Variants in SNX25 observed in about 807,000 individuals in gnomAD.
SNX25 encodes sorting nexin-25.
In SNX25, 62 loss-of-function variants were observed where a neutral mutation model predicts 113.7. That is an observed-to-expected ratio of 0.55 (90% CI 0.44 to 0.67). The LOEUF (loss-of-function observed/expected upper bound fraction) is 0.67. SNX25 is among the 30% of genes least tolerant of loss of function. The pLI, the probability that SNX25 is intolerant of heterozygous loss-of-function variation, is 0.00. For synonymous variants in SNX25, 421 were observed against 436.2 expected, an observed-to-expected ratio of 0.97 and a Z score of 0.43; for missense variants, 1,014 against 1,161.0, an observed-to-expected ratio of 0.87 and a Z score of 1.84.
chr4:185,241,319 A>G (rs902595485), intron 1 of SNX25, among the ~76,000 whole-genome samples: 1 of 152,090 alleles, frequency 6.6e-6, no homozygotes, highest in African/African-American at 2.4e-5. Context: ...CCACCAAAAA[A>G]ATATGAAAAC....
intron 7 of SNX25, among the ~76,000 whole-genome samples, chr4:185,311,548 C>T (rs1349343957): frequency 6.6e-6 from 1 of 152,202 alleles, no homozygotes; most frequent in African/African-American, 2.4e-5. Flanking sequence ...CACTCAGGAG[C>T]TTAGCTGTGC....
At chr4:185,368,231 C>A (rs2126777027), downstream of SNX25, among the ~76,000 whole-genome samples, 1 of 152,300 alleles carries the variant, frequency 6.6e-6, no homozygotes, top group East Asian at 1.9e-4. Context: ...CCATGTACTC[C>A]AGAATCCTCG....
intron 1 of SNX25, among the ~76,000 whole-genome samples, chr4:185,224,548 CATATATATAAAT>C (rs1740642595): frequency 3.0e-5 from 2 of 66,958 alleles, no homozygotes; most frequent in African/African-American, 1.1e-4. Context: ...AATATATATA[CATATATATAAAT>C]ATATATAAGT....
intron 6 of SNX25, among the ~76,000 whole-genome samples, chr4:185,306,022 A>G (rs1754419337): frequency 6.6e-6 from 1 of 152,190 alleles, no homozygotes; most frequent in African/African-American, 2.4e-5. Flanking sequence ...GTTTCTAACA[A>G]TGCACAGTGT....
At chr4:185,225,540 C>T (rs1259601435) in intron 1 of SNX25, among the ~76,000 whole-genome samples, 1 of 152,200 alleles carries the variant, frequency 6.6e-6, no homozygotes, top group Non-Finnish European at 1.5e-5. Context: ...TCAGGGAAAT[C>T]ATTCCTGTGG....
downstream of SNX25, chr4:185,373,085 A>G: frequency 6.2e-7 from 1 of 1,600,808 alleles, no homozygotes; most frequent in Non-Finnish European, 8.6e-7. Flanking sequence ...AATGCCTAAG[A>G]AAAGCACAGT....
intron 1 of SNX25, among the ~76,000 whole-genome samples, chr4:185,240,747 C>G (rs1007354297): frequency 6.6e-6 from 1 of 151,788 alleles, no homozygotes; most frequent in African/African-American, 2.4e-5. Context: ...CGGAGACGCT[C>G]CTCACTTCCC....
intron 3 of SNX25, among the ~76,000 whole-genome samples, chr4:185,260,758 A>G (rs934368179): frequency 6.6e-6 from 1 of 152,216 alleles, no homozygotes; most frequent in Non-Finnish European, 1.5e-5. Context: ...CAGATGCCCT[A>G]CAAGGATCTT....
chr4:185,352,204 C>T (rs1169142050), intron 14 of SNX25, among the ~76,000 whole-genome samples: 1 of 152,192 alleles, frequency 6.6e-6, no homozygotes, highest in Non-Finnish European at 1.5e-5. Context: ...GACTTCTCCC[C>T]CAGAGTAGGC....
intron 10 of SNX25, among the ~76,000 whole-genome samples, chr4:185,337,067 T>G (rs1014707646): frequency 1.3e-5 from 2 of 152,240 alleles, no homozygotes; most frequent in African/African-American, 4.8e-5. Flanking sequence ...TATTAGTCCT[T>G]TGTTGGATGT....
At chr4:185,350,226 A>T (rs1442604352) in intron 13 of SNX25, among the ~76,000 whole-genome samples, 1 of 152,200 alleles carries the variant, frequency 6.6e-6, no homozygotes, top group African/African-American at 2.4e-5. Flanking sequence ...TCGTCAGGTC[A>T]TTAGCCATCT....
chr4:185,235,695 C>G (rs1465701851), intron 1 of SNX25, among the ~76,000 whole-genome samples: 4 of 152,156 alleles, frequency 2.6e-5, no homozygotes, highest in African/African-American at 9.7e-5. Flanking sequence ...AGTTCAAGAC[C>G]AGCCTGGGCA....
intron 16 of SNX25, among the ~76,000 whole-genome samples, chr4:185,358,631 C>T (rs558768800): frequency 6.6e-6 from 1 of 152,296 alleles, no homozygotes; most frequent in South Asian, 2.1e-4. Context: ...TCTGAAGTCA[C>T]CAGACCCGTT....
Position 185,210,324 on chromosome 4 carries a change from C to G in SNX25, c.429+69C>G. On this transcript the variant is annotated intron_variant, in intron 1 of 18. Transcript: ENST00000652585. The surrounding 1 kb of genome is among the most constrained non-coding windows in gnomAD (Gnocchi z 4.4). ...CGCTTCCGGTGCCAGCTCCCGCGCC[C>G]CGAGCTCCGGGGGGCCGCGGCATGC... is the stretch of plus-strand genomic sequence containing the variant. The G allele has an allele frequency of 3.0e-6, 3 of 984,426 alleles. No homozygotes were observed. The highest frequency in any genetic ancestry group is 3.6e-6 in the Non-Finnish European group (3 of 829,616). The allele number at this position is 984,426 out of a possible 1,614,324, so 61.0% of individuals were successfully genotyped here.
At chr4:185,358,566 G>C (rs562271118) in intron 16 of SNX25, among the ~76,000 whole-genome samples, 12 of 152,302 alleles carry the variant, frequency 7.9e-5, no homozygotes, top group African/African-American at 2.9e-4. Context: ...CTAGCGATTA[G>C]TCTCACTTCT....
chr4:185,301,262 A>G (rs1753636787), intron 6 of SNX25, among the ~76,000 whole-genome samples: 1 of 152,192 alleles, frequency 6.6e-6, no homozygotes, highest in Non-Finnish European at 1.5e-5. Context: ...TAAAAGGCCT[A>G]ATGACAGTAT....
chr4:185,359,503 C>T (rs765594005), intron 16 of SNX25, among the ~76,000 whole-genome samples: 1 of 151,838 alleles, frequency 6.6e-6, no homozygotes, highest in African/African-American at 2.4e-5. Flanking sequence ...AAAGAAATTC[C>T]CAAAAAAAGG....
downstream of SNX25, chr4:185,366,019 C>A (rs1169114943): frequency 6.6e-6 from 1 of 152,142 alleles, no homozygotes; most frequent in Non-Finnish European, 1.5e-5. Context: ...AAAAAGAAAT[C>A]TTGTTTAAAT....
chr4:185,376,971 C>T, the SNX25 span: 2 of 1,614,042 alleles, frequency 1.2e-6, no homozygotes, highest in South Asian at 1.1e-5. Flanking sequence ...AGTATTCTTT[C>T]CTTCAAGAGC....
Sources: gnomAD v4.1 joint callset for allele counts (sites outside exome capture counted in the v4.1 genomes callset) on GRCh38, gnomAD v4.1.1 for gene constraint, Gnocchi (gnomAD v3.1) non-coding constraint, MANE v1.5 for transcripts, NCBI Gene and HGNC (gene_info 2026-07-23, HGNC 2026-07-21) for gene names.